CFAP43: variants seen among roughly 807,000 people sequenced by gnomAD.
CFAP43 encodes cilia- and flagella-associated protein 43.
A neutral mutation model predicts 218.9 loss-of-function variants in CFAP43; 155 were observed. The observed-to-expected ratio is 0.71, with a 90% CI of 0.62 to 0.81. The LOEUF (loss-of-function observed/expected upper bound fraction) is 0.81. CFAP43 is among the 30% of genes least tolerant of loss of function. The probability of loss-of-function intolerance (pLI) is 0.00; values close to 1 mark genes in which losing one functional copy is unlikely to be tolerated. For missense variants in CFAP43, 1,778 were observed against 1,954.3 expected (o/e 0.91, Z 1.70); for synonymous variants, 645 against 681.3 (o/e 0.95, Z 0.83).
In CFAP43 at chr10:104,230,576, G is replaced by T. The variant is rs761399885; in HGVS notation, c.319+14C>A. On this transcript the variant is annotated intron_variant, in intron 2 of 37. Transcript: ENST00000357060. ...TCCTTCAATTATGGGCAGAGGAAGG[G>T]TTCTCTAGAATACCTTTCAATTTGG... The T allele has an allele frequency of 1.2e-6, 2 of 1,610,558 alleles. No individual in the cohort carries two copies. The highest frequency in any genetic ancestry group is 2.2e-5 in the South Asian group (2 of 90,150).
chr10:104,139,473 T>C (rs946934959), intron 34 of CFAP43, among the ~76,000 whole-genome samples: 3 of 151,582 alleles, frequency 2.0e-5, no homozygotes, highest in Non-Finnish European at 4.4e-5. Flanking sequence ...ATAAAAAATC[T>C]CAAAGCCAGA....
At chr10:104,181,787 T>A (rs1351958059) in intron 17 of CFAP43, among the ~76,000 whole-genome samples, 7 of 152,188 alleles carry the variant, frequency 4.6e-5, no homozygotes. Flanking sequence ...GGAGAGGCTA[T>A]CCAGCCCAAT....
At chr10:104,185,263 AT>A in intron 15 of CFAP43, 117 bp from the exon 16 acceptor site, 1 of 1,358,950 alleles carries the variant, frequency 7.4e-7, no homozygotes, top group Non-Finnish European at 1.0e-6. Context: ...TGCTAACAGC[AT>A]TTTAATTGGT....
intron 8 of CFAP43, among the ~76,000 whole-genome samples, chr10:104,202,830 T>TA (rs2090572283): frequency 4.0e-5 from 6 of 151,738 alleles, no homozygotes; most frequent in Admixed American, 1.3e-4. Context: ...TTTTTTTTTT[T>TA]TAAAAAAAAC....
chr10:104,139,755 A>G (rs1191898030), intron 34 of CFAP43, among the ~76,000 whole-genome samples: 2 of 131,218 alleles, frequency 1.5e-5, no homozygotes, highest in Non-Finnish European at 3.4e-5. Context: ...GCAGAAGGTA[A>G]ATGATACAAG....
At chr10:104,183,831 G>A (rs768482257) in intron 16 of CFAP43, among the ~76,000 whole-genome samples, 3 of 152,216 alleles carry the variant, frequency 2.0e-5, no homozygotes, top group Middle Eastern at 3.4e-3. Flanking sequence ...TTGTTCGCTG[G>A]TTATAAACAA....
intron 3 of CFAP43, among the ~76,000 whole-genome samples, chr10:104,220,705 C>G (rs1191911268): frequency 6.6e-6 from 1 of 152,178 alleles, no homozygotes; most frequent in African/African-American, 2.4e-5. Flanking sequence ...TGCCCCATAT[C>G]TGACACTCCT....
chr10:104,198,714 A>C (rs1028674829), intron 8 of CFAP43, among the ~76,000 whole-genome samples: 2 of 151,276 alleles, frequency 1.3e-5, no homozygotes, highest in African/African-American at 4.9e-5. Flanking sequence ...GCGATGGCGG[A>C]ATCTTGGCTC....
chr10:104,162,076 G>C (rs2088905252), intron 25 of CFAP43, 35 bp from the exon 26 acceptor site: 2 of 1,593,464 alleles, frequency 1.3e-6, no homozygotes, highest in African/African-American at 2.7e-5. Context: ...GGAATACTGA[G>C]ACAGAGACCT....
At chr10:104,218,993 G>C in intron 3 of CFAP43, 1 of 385,398 alleles carries the variant, frequency 2.6e-6, no homozygotes. Flanking sequence ...TTGGTGATTT[G>C]GGTTTCTGTG....
chr10:104,227,331 T>C (rs1217989957), intron 2 of CFAP43, among the ~76,000 whole-genome samples: 4 of 152,198 alleles, frequency 2.6e-5, no homozygotes, highest in East Asian at 3.8e-4. Flanking sequence ...GAAGTGAGTA[T>C]ACTGGGTCAA....
Position 104,196,840 on chromosome 10 carries a change from C to T in CFAP43, c.1293+13G>A, listed in dbSNP as rs774902590. 6.3e-7 allele frequency: 1 copy of T among 1,581,680 alleles called. No individual in the cohort carries two copies. The highest frequency in any genetic ancestry group is 8.6e-7 in the Non-Finnish European group (1 of 1,162,680). ...CAGTATTTTTTTAAAATCCATTTATCAAGTATACTTACTAGGGTATTCAGA... is the reference window on the plus strand; with the variant it reads ...CAGTATTTTTTTAAAATCCATTTATTAAGTATACTTACTAGGGTATTCAGA... On this transcript the variant is annotated intron_variant, in intron 10 of 37. Transcript: ENST00000357060.
chr10:104,199,089 T>C (rs1360744728), intron 8 of CFAP43, among the ~76,000 whole-genome samples: 2 of 152,214 alleles, frequency 1.3e-5, no homozygotes, highest in Non-Finnish European at 2.9e-5. Flanking sequence ...TCCTACCACA[T>C]GCTAAATATA....
intron 2 of CFAP43, among the ~76,000 whole-genome samples, chr10:104,229,514 A>AG (rs894303015): frequency 9.9e-5 from 15 of 151,484 alleles, no homozygotes; most frequent in Admixed American, 3.9e-4. Flanking sequence ...AAAAAAAAAA[A>AG]AAAGCCGAGC....
chr10:104,183,522 T>C (rs1473383651), intron 16 of CFAP43, among the ~76,000 whole-genome samples: 1 of 152,002 alleles, frequency 6.6e-6, no homozygotes, highest in Non-Finnish European at 1.5e-5. Flanking sequence ...CCCGAGTAGC[T>C]GGGACTACAG....
intron 28 of CFAP43, among the ~76,000 whole-genome samples, chr10:104,152,365 G>A (rs771776556): frequency 1.3e-5 from 2 of 152,152 alleles, no homozygotes; most frequent in Non-Finnish European, 1.5e-5. Flanking sequence ...AGTGTTGGTA[G>A]ACAGTATTAC....
intron 2 of CFAP43, among the ~76,000 whole-genome samples, chr10:104,228,258 C>T (rs572700866): frequency 3.3e-5 from 5 of 152,164 alleles, no homozygotes; most frequent in Admixed American, 1.3e-4. Flanking sequence ...GTTTTCTTAA[C>T]CACTGTTGAA....
rs1344560758 is a variant in CFAP43, at chr10:104,133,794, A to G, written c.4432-10T>C. 5 of 1,593,536 alleles carry G rather than the reference A, an allele frequency of 3.1e-6. No homozygotes were observed. The highest frequency in any genetic ancestry group is 4.3e-6 in the Non-Finnish European group (5 of 1,170,746). On this transcript the variant is annotated splice_polypyrimidine_tract_variant and intron_variant, in intron 34 of 37. Transcript: ENST00000357060. ...TCTTTTGTCCTTGAGTCTTTAAAAA[A>G]GTACATTAGATATCCATATAATATG...
At chr10:104,146,478 T>G (rs1314550647) in intron 29 of CFAP43, 129 bp from the exon 30 acceptor site, 6 of 666,852 alleles carry the variant, frequency 9.0e-6, no homozygotes, top group Non-Finnish European at 1.3e-5. Flanking sequence ...TATTTATTCA[T>G]GAAGATAAGA....
Sources: allele counts gnomAD v4.1 joint callset (sites outside exome capture counted in the v4.1 genomes callset), GRCh38; gene constraint gnomAD v4.1.1; transcripts MANE v1.5; gene names NCBI Gene and HGNC (gene_info 2026-07-23, HGNC 2026-07-21).